The following ABCC8 variants were observed in gnomAD, a reference collection of about 807,000 sequenced individuals.
ABCC8 encodes ATP binding cassette subfamily C member 8, also known as ATP-binding cassette sub-family C member 8.
A neutral mutation model predicts 188.0 loss-of-function variants in ABCC8; 137 were observed. The observed-to-expected ratio is 0.73, with a 90% CI of 0.63 to 0.84. ABCC8 has a LOEUF of 0.84. Among genes scored for constraint, ABCC8 ranks in the 40% least tolerant of loss-of-function variants. The pLI is 0.00. For missense variants in ABCC8, 1,750 were observed against 2,072.7 expected (o/e 0.84, Z 3.02); for synonymous variants, 797 against 846.5 (o/e 0.94, Z 1.01).
intron 3 of ABCC8, among the ~76,000 whole-genome samples, chr11:17,463,843 A>T (rs1847984796): frequency 6.6e-6 from 1 of 152,258 alleles, no homozygotes; most frequent in African/African-American, 2.4e-5. Flanking sequence ...CTGGTCAGAC[A>T]AATGTCCCTT....
At chr11:17,448,452 G>A in intron 8 of ABCC8, 64 bp downstream of exon 8, 1 of 1,440,650 alleles carries the variant, frequency 6.9e-7, no homozygotes, top group Non-Finnish European at 9.8e-7. Context: ...TACTGGCCAT[G>A]GACCAGCAGA....
At chr11:17,410,017 G>T (rs1343667954) in intron 22 of ABCC8, among the ~76,000 whole-genome samples, 2 of 152,092 alleles carry the variant, frequency 1.3e-5, no homozygotes, top group African/African-American at 4.8e-5. Context: ...CTCCCAAAGT[G>T]CTGGGATTAC....
chr11:17,406,013 G>A (rs1466895908), intron 26 of ABCC8, among the ~76,000 whole-genome samples: 1 of 152,220 alleles, frequency 6.6e-6, no homozygotes, highest in South Asian at 2.1e-4. Flanking sequence ...CCATATCTGT[G>A]GGCCACAGAA....
At position 17,413,445 on chromosome 11, in the gene ABCC8, C is replaced by G. The variant is rs1436578932; in HGVS notation, c.2424G>C (p.Gln808His). The G allele has an allele frequency of 6.2e-7, 1 of 1,614,166 alleles. No homozygotes were observed. The highest frequency in any genetic ancestry group is 2.2e-5 in the East Asian group (1 of 44,880). ...YKMVIEACSL[Q>H]PDIDILPHGD... ...CATGGGGCAGGATGTCGATGTCTGGCTGCAGAGAGCAGGCTTCAATGACCA... is the reference window on the plus strand; with the variant it reads ...CATGGGGCAGGATGTCGATGTCTGGGTGCAGAGAGCAGGCTTCAATGACCA... The change falls in exon 20 of 39, where the codon CAG (glutamine) becomes CAC (histidine). Residue 808 changes from glutamine to histidine, a missense_variant. Physicochemically the swap from Gln to His is conservative, Grantham distance 24 (BLOSUM62 0). Transcript: ENST00000389817.
intron 3 of ABCC8, among the ~76,000 whole-genome samples, chr11:17,466,586 G>C (rs1199715905): frequency 6.6e-6 from 1 of 151,192 alleles, no homozygotes; most frequent in African/African-American, 2.4e-5. Context: ...GAGATGGATA[G>C]TGGTGATGGC....
intron 20 of ABCC8, 97 bp downstream of exon 20, chr11:17,413,297 C>G (rs1954904075): frequency 6.5e-7 from 1 of 1,539,290 alleles, no homozygotes; most frequent in Non-Finnish European, 9.0e-7. Context: ...TTCAATGTCT[C>G]CTATTTCCTA....
At chr11:17,446,891 A>C (rs753131278) in intron 8 of ABCC8, among the ~76,000 whole-genome samples, 1 of 152,132 alleles carries the variant, frequency 6.6e-6, no homozygotes, top group Non-Finnish European at 1.5e-5. Flanking sequence ...AGGTTTATGG[A>C]ATCTTTATCC....
At chr11:17,472,799 T>A (rs891732094) in intron 2 of ABCC8, among the ~76,000 whole-genome samples, 1 of 152,112 alleles carries the variant, frequency 6.6e-6, no homozygotes, top group Non-Finnish European at 1.5e-5. Flanking sequence ...ATTCTGGGAA[T>A]ACACAGTCTA....
chr11:17,408,967 T>TA (rs1378612584), intron 22 of ABCC8, among the ~76,000 whole-genome samples: 1 of 151,308 alleles, frequency 6.6e-6, no homozygotes, highest in Non-Finnish European at 1.5e-5. Flanking sequence ...TTTTTTTTTT[T>TA]TTTTGAGACA....
intron 22 of ABCC8, 38 bp downstream of exon 22, chr11:17,410,478 C>A: frequency 6.2e-7 from 1 of 1,610,654 alleles, no homozygotes; most frequent in Non-Finnish European, 8.5e-7. Context: ...CCTCCCCAGC[C>A]CTGCCCCCTA....
At chr11:17,412,495 C>A (rs573061385) in intron 21 of ABCC8, among the ~76,000 whole-genome samples, 171 bp downstream of exon 21, 2 of 152,328 alleles carry the variant, frequency 1.3e-5, no homozygotes, top group East Asian at 3.9e-4. Flanking sequence ...GCTATCCTTG[C>A]CTGCCTCAGT....
At chr11:17,448,744 T>C (rs1956641185) in intron 7 of ABCC8, 73 bp from the exon 8 acceptor site, 2 of 1,612,184 alleles carry the variant, frequency 1.2e-6, no homozygotes, top group Admixed American at 1.7e-5. Flanking sequence ...TGCCACCTGT[T>C]ACAGTGTGCC....
At position 17,453,232 on chromosome 11, in the gene ABCC8, C is replaced by A; in HGVS notation, c.1063G>T (p.Ala355Ser). 6.2e-7 allele frequency: 1 copy of A among 1,614,112 alleles called. No individual in the cohort carries two copies. Among genetic ancestry groups the A allele is most frequent in the Non-Finnish European group, 8.5e-7 (1 of 1,180,018 alleles). The part of the protein sequence containing the change: ...FVSSQEFLAN[A>S]YVLAVLLFLA... ...AACAGAAGCACAGCTAAGACGTAGG[C>A]ATTGGCAAGGAACTCTTGGGATGAG... is the stretch of plus-strand genomic sequence containing the variant. The change falls in exon 7 of 39, where the codon GCC (alanine) becomes TCC (serine). Residue 355 changes from alanine to serine, a missense_variant. Transcript: ENST00000389817.
intron 23 of ABCC8, 116 bp downstream of exon 23, chr11:17,408,276 C>T: frequency 1.0e-6 from 1 of 1,002,086 alleles, no homozygotes; most frequent in Non-Finnish European, 1.5e-6. Flanking sequence ...GCTCCCACAT[C>T]TGCCCTTTAG....
At chr11:17,393,827 ATGTGGAGCCCAGGTC>A in intron 37 of ABCC8, 68 bp from the exon 38 acceptor site, 5 of 1,613,236 alleles carry the variant, frequency 3.1e-6, no homozygotes, top group Non-Finnish European at 4.2e-6. Flanking sequence ...GGCTTGGGGG[ATGTGGAGCCCAGGTC>A]TGTGGCTCAG....
chr11:17,407,145 A>T lies in ABCC8; in HGVS notation c.2921-16T>A. ...GCTGCCTCCTCTGCAGGCCGCAAGA[A>T]CCCACTCTGTGGCTACACATTTCCA... On this transcript the variant is annotated splice_polypyrimidine_tract_variant and intron_variant, in intron 24 of 38. Transcript: ENST00000389817. 1 of 1,607,760 alleles carries T rather than the reference A, an allele frequency of 6.2e-7. No individual in the cohort carries two copies. The highest frequency in any genetic ancestry group is 8.5e-7 in the Non-Finnish European group (1 of 1,178,060).
chr11:17,393,941 GA>G, intron 37 of ABCC8, 182 bp from the exon 38 acceptor site: 1 of 794,502 alleles, frequency 1.3e-6, no homozygotes, highest in Non-Finnish European at 1.5e-6. Flanking sequence ...AGCCTGTTGG[GA>G]GCTCAGCTCT....
chr11:17,451,008 T>C (rs1468811969), intron 7 of ABCC8, among the ~76,000 whole-genome samples: 1 of 152,118 alleles, frequency 6.6e-6, no homozygotes, highest in African/African-American at 2.4e-5. Flanking sequence ...TTTCTATAAT[T>C]AATGCCAGTA....
chr11:17,458,554 T>C (rs541209081), intron 6 of ABCC8, among the ~76,000 whole-genome samples: 4 of 152,180 alleles, frequency 2.6e-5, no homozygotes, highest in Non-Finnish European at 5.9e-5. Context: ...CCATGCTGCT[T>C]CAGGATCGCC....
Sources: gnomAD v4.1 joint callset for allele counts (sites outside exome capture counted in the v4.1 genomes callset) on GRCh38, gnomAD v4.1.1 for gene constraint, MANE v1.5 for transcripts, NCBI Gene and HGNC (gene_info 2026-07-23, HGNC 2026-07-21) for gene names.